The following GPN1 variants were observed in gnomAD, a reference collection of about 807,000 sequenced individuals.
GPN1 encodes ATP(GTP)-binding protein.
In GPN1, 44 loss-of-function variants were observed where a neutral mutation model predicts 55.9. That is an observed-to-expected ratio of 0.79 (90% confidence interval 0.62 to 1.01). GPN1 has a LOEUF of 1.01. GPN1 is among the 50% of genes least tolerant of loss of function. The pLI is 0.00. For synonymous variants in GPN1, 179 were observed against 162.5 expected, an observed-to-expected ratio of 1.10 and a Z score of -0.77; for missense variants, 466 against 462.8, an observed-to-expected ratio of 1.01 and a Z score of -0.06.
rs767640017 is a variant in GPN1, at chr2:27,647,859, C to T, written c.955C>T (p.Pro319Ser). 1.2e-6 allele frequency: 2 copies of T among 1,612,404 alleles called. No individual in the cohort carries two copies. Among genetic ancestry groups the T allele is most frequent in the Non-Finnish European group, 8.5e-7 (1 of 1,178,534 alleles). ...AGACAGCTTATCTCCTGTGCTGCAC[C>T]CTTCTGATTTGATCCTGACTCGAGG... ...AKDSLSPVLH[P>S]SDLILTRGTL... The change falls in exon 13 of 14, where the codon CCT becomes TCT. Residue 319 changes from proline (P) to serine (S), a missense_variant. Physicochemically the swap from Pro to Ser is moderately conservative, Grantham distance 74. Transcript: ENST00000610189.
At chr2:27,631,446 C>G (rs202102014) in intron 3 of GPN1, 2 of 414,078 alleles carry the variant, frequency 4.8e-6, no homozygotes, top group East Asian at 9.9e-5. Context: ...GAAATGTGTA[C>G]TCTCTCCGTA....
In GPN1 at chr2:27,650,189, A is replaced by G; in HGVS notation, c.1114A>G (p.Asn372Asp). 1 of 1,584,838 alleles carries G rather than the reference A, an allele frequency of 6.3e-7. No homozygotes were observed. The highest frequency in any genetic ancestry group is 8.7e-7 in the Non-Finnish European group (1 of 1,153,502). ...QESMAQYWKR[N>D]NK ...ATCGATGGCACAATACTGGAAGAGA[A>G]ACAATAAATAGGAGACTTTAGCACA... Residue 372 changes from asparagine (N) to aspartate (D), a missense_variant, in exon 14 of 14, where the codon AAC becomes GAC. Coordinates refer to ENST00000610189, the MANE Select transcript of GPN1 (RefSeq NM_007266.4).
intron 10 of GPN1, 115 bp from the exon 11 acceptor site, chr2:27,641,121 TTGAA>T (rs1673930189): frequency 1.4e-6 from 1 of 699,544 alleles, no homozygotes; most frequent in Non-Finnish European, 2.5e-6. Context: ...ACATCTGATG[TTGAA>T]TGAAGTCAGA....
At chr2:27,632,599 G>T (rs199924280) in intron 4 of GPN1, 34 bp from the exon 5 acceptor site, 2 of 1,522,198 alleles carry the variant, frequency 1.3e-6, no homozygotes, top group Non-Finnish European at 1.8e-6. Context: ...TGTTGAAATC[G>T]GAATTTGTTG....
intron 7 of GPN1, 81 bp downstream of exon 7, chr2:27,635,315 T>TTTTTTTTTTA: frequency 1.4e-6 from 1 of 695,130 alleles, no homozygotes; most frequent in Non-Finnish European, 2.5e-6. Flanking sequence ...TTTTTTTTTT[T>TTTTTTTTTTA]TGAATCTGGT....
intron 7 of GPN1, among the ~76,000 whole-genome samples, chr2:27,635,647 C>G (rs1673707477): frequency 6.6e-6 from 1 of 152,002 alleles, no homozygotes; most frequent in Non-Finnish European, 1.5e-5. Flanking sequence ...AAGACTCTGT[C>G]TCTACAAAAA....
At chr2:27,628,657 C>G, upstream of GPN1, 1 of 1,551,500 alleles carries the variant, frequency 6.4e-7, no homozygotes, top group East Asian at 2.4e-5. Flanking sequence ...CGAATAAGCC[C>G]GAGCAGCCGG....
At chr2:27,638,849 C>T (rs752635167) in intron 8 of GPN1, 36 bp from the exon 9 acceptor site, 4 of 1,566,128 alleles carry the variant, frequency 2.6e-6, no homozygotes, top group Non-Finnish European at 3.5e-6. Flanking sequence ...CGTTTGTTGG[C>T]TCTGGTTGCT....
chr2:27,651,397 T>G lies in GPN1; in HGVS notation c.*1197T>G, dbSNP rs1281141354. ...GACATAATTCCAGACCAGGTGAATC[T>G]CAAGATACTAATCCTCACATCATTT... On this transcript the variant is annotated 3_prime_UTR_variant, in exon 14 of 14. Transcript: ENST00000610189. 6.6e-6 allele frequency: 1 copy of G among 152,382 alleles called. No homozygotes were observed. The highest frequency in any genetic ancestry group is 1.9e-4 in the East Asian group (1 of 5,330). The allele number at this position is 152,382 out of a possible 1,614,324, so 9.4% of individuals were successfully genotyped here.
At chr2:27,631,128 G>A in intron 3 of GPN1, 62 bp downstream of exon 3, 1 of 876,494 alleles carries the variant, frequency 1.1e-6, no homozygotes, top group East Asian at 2.4e-5. Flanking sequence ...TGTATTTTGT[G>A]GCTTGAAAGA....
At chr2:27,640,393 C>G (rs1472884880) in intron 10 of GPN1, among the ~76,000 whole-genome samples, 1 of 152,174 alleles carries the variant, frequency 6.6e-6, no homozygotes, top group East Asian at 1.9e-4. Flanking sequence ...CAGTAGGTAG[C>G]TCAGGCTTTG....
chr2:27,640,481 A>G (rs1271717628), intron 10 of GPN1, among the ~76,000 whole-genome samples: 1 of 152,220 alleles, frequency 6.6e-6, no homozygotes, highest in South Asian at 2.1e-4. Flanking sequence ...TTTGTAAATT[A>G]ATGGGCGTGG....
Position 27,642,418 on chromosome 2 carries a change from T to G in GPN1, c.841-11T>G. The G allele has an allele frequency of 6.3e-7, 1 of 1,575,532 alleles. No homozygotes were observed. Among genetic ancestry groups the G allele is most frequent in the Non-Finnish European group, 8.7e-7 (1 of 1,145,930 alleles). On this transcript the variant is annotated splice_polypyrimidine_tract_variant and intron_variant, in intron 11 of 13. Coordinates refer to ENST00000610189, the MANE Select transcript of GPN1 (RefSeq NM_007266.4). ...TTTTGAATATGATGACATTTTTCTC[T>G]GTATATACAGGCCAACGCAGAGAGC...
chr2:27,649,358 A>G (rs114505823), intron 13 of GPN1, among the ~76,000 whole-genome samples: 3 of 152,052 alleles, frequency 2.0e-5, no homozygotes, highest in Non-Finnish European at 2.9e-5. Flanking sequence ...TTACATGTAA[A>G]TTGCCTTATT....
intron 2 of GPN1, 132 bp from the exon 3 acceptor site, chr2:27,630,894 AG>A (rs550306856): frequency 4.4e-6 from 3 of 686,628 alleles, no homozygotes; most frequent in Non-Finnish European, 8.0e-6. Flanking sequence ...TTTGTAAGGA[AG>A]GAAACCAGTG....
chr2:27,640,992 C>T (rs759923174), intron 10 of GPN1, among the ~76,000 whole-genome samples: 2 of 152,156 alleles, frequency 1.3e-5, no homozygotes, highest in African/African-American at 2.4e-5. Flanking sequence ...GTCATGTTCT[C>T]ACCAATATTA....
chr2:27,633,405 A>G (rs1673623183), intron 5 of GPN1, among the ~76,000 whole-genome samples: 1 of 152,200 alleles, frequency 6.6e-6, no homozygotes, highest in Admixed American at 6.5e-5. Context: ...TCCCTGGCTC[A>G]GGTGATCCTC....
intron 13 of GPN1, 96 bp downstream of exon 13, chr2:27,648,039 A>G: frequency 1.4e-6 from 1 of 711,878 alleles, no homozygotes; most frequent in Middle Eastern, 3.1e-4. Flanking sequence ...GTAGCCAGTA[A>G]TAGTGGATAA....
upstream of GPN1, chr2:27,628,976 T>C: frequency 6.3e-7 from 1 of 1,585,570 alleles, no homozygotes; most frequent in Non-Finnish European, 8.6e-7. Context: ...CTGTGGTGGT[T>C]TTCGTTCGCA....
Sources: gnomAD v4.1 joint callset for allele counts (sites outside exome capture counted in the v4.1 genomes callset) on GRCh38, gnomAD v4.1.1 for gene constraint, MANE v1.5 for transcripts, NCBI Gene and HGNC (gene_info 2026-07-23, HGNC 2026-07-21) for gene names.